Variants in FHIT observed in about 807,000 individuals in gnomAD.
The protein encoded by FHIT is fragile histidine triad diadenosine triphosphatase.
In FHIT, 19 loss-of-function variants were observed where a neutral mutation model predicts 17.9. The observed-to-expected ratio is 1.06, with a 90% CI of 0.74 to 1.56. The LOEUF is 1.56. FHIT is among the 40% of genes most tolerant of loss of function. The probability of loss-of-function intolerance (pLI) is 0.00; values close to 1 mark genes in which losing one functional copy is unlikely to be tolerated. For synonymous variants in FHIT, 81 were observed against 69.7 expected (o/e 1.16, Z -0.81); for missense variants, 248 against 189.2 (o/e 1.31, Z -1.82).
chr3:60,324,921 T>C (rs970037088), intron 5 of FHIT, among the ~76,000 whole-genome samples: 1 of 152,160 alleles, frequency 6.6e-6, no homozygotes, highest in South Asian at 2.1e-4. Context: ...TTTCTATTTT[T>C]CTTAGACTAC....
intron 4 of FHIT, among the ~76,000 whole-genome samples, chr3:60,689,130 C>A (rs1373251899): frequency 6.6e-6 from 1 of 152,190 alleles, no homozygotes; most frequent in African/African-American, 2.4e-5. Flanking sequence ...AGTTTCCCTG[C>A]ACAAGCTCTC....
intron 5 of FHIT, among the ~76,000 whole-genome samples, chr3:60,083,611 T>C (rs1027870541): frequency 2.0e-5 from 3 of 152,190 alleles, no homozygotes; most frequent in Non-Finnish European, 4.4e-5. Flanking sequence ...TATTGGGTCC[T>C]GACTAGGCCA....
intron 8 of FHIT, among the ~76,000 whole-genome samples, chr3:59,874,250 C>T (rs1703051519): frequency 6.6e-6 from 1 of 152,096 alleles, no homozygotes; most frequent in South Asian, 2.1e-4. Context: ...CTTCTCTGGC[C>T]AAAAAACAAT....
intron 5 of FHIT, among the ~76,000 whole-genome samples, chr3:60,385,863 C>A (rs1045184031): frequency 6.6e-6 from 1 of 152,114 alleles, no homozygotes; most frequent in Non-Finnish European, 1.5e-5. Context: ...CATATGTGAG[C>A]CACTGTGCCT....
intron 5 of FHIT, among the ~76,000 whole-genome samples, chr3:60,472,438 G>A (rs1164508729): frequency 3.4e-5 from 5 of 148,020 alleles, no homozygotes; most frequent in East Asian, 4.0e-4. Context: ...GCGTGATCTC[G>A]GCTCACTGCA....
chr3:61,002,146 G>C (rs752056017), intron 3 of FHIT, among the ~76,000 whole-genome samples: 6 of 152,160 alleles, frequency 3.9e-5, no homozygotes, highest in Non-Finnish European at 8.8e-5. Flanking sequence ...TGAGACATTT[G>C]AAATTTATAC....
chr3:60,867,303 G>T (rs782021108), intron 3 of FHIT, among the ~76,000 whole-genome samples: 2 of 152,280 alleles, frequency 1.3e-5, no homozygotes, highest in Non-Finnish European at 2.9e-5. Flanking sequence ...TGTTTTCAGT[G>T]TACTCATAAG....
At chr3:60,890,545 C>G (rs1439821290) in intron 3 of FHIT, among the ~76,000 whole-genome samples, 1 of 152,144 alleles carries the variant, frequency 6.6e-6, no homozygotes, top group Non-Finnish European at 1.5e-5. Context: ...AACAATAACC[C>G]AAACTGATAA....
At chr3:61,185,244 A>T (rs2038471385) in intron 2 of FHIT, among the ~76,000 whole-genome samples, 1 of 152,190 alleles carries the variant, frequency 6.6e-6, no homozygotes, top group Non-Finnish European at 1.5e-5. Flanking sequence ...AGGAGAAGCA[A>T]GCACAGACTG....
chr3:59,761,804 G>T (rs542708420), intron 8 of FHIT, among the ~76,000 whole-genome samples: 1 of 151,954 alleles, frequency 6.6e-6, no homozygotes, highest in South Asian at 2.1e-4. Context: ...CACCATGTTG[G>T]CCAGGCTGGT....
At chr3:61,017,173 C>T (rs1209609773) in intron 3 of FHIT, among the ~76,000 whole-genome samples, 1 of 152,118 alleles carries the variant, frequency 6.6e-6, no homozygotes, top group African/African-American at 2.4e-5. Context: ...GCCTGTAATC[C>T]CAGCTACTTG....
chr3:60,637,351 C>T (rs113859206), intron 4 of FHIT, among the ~76,000 whole-genome samples: 118 of 152,172 alleles, frequency 7.8e-4, no homozygotes, highest in African/African-American at 2.8e-3. Flanking sequence ...TTCATTTCTC[C>T]CCTTAAAGAT....
At chr3:61,211,427 T>A (rs1438077393) in intron 1 of FHIT, among the ~76,000 whole-genome samples, 1 of 152,180 alleles carries the variant, frequency 6.6e-6, no homozygotes, top group Non-Finnish European at 1.5e-5. Context: ...GAGATCAAAC[T>A]GCAAGGCAGC....
intron 2 of FHIT, among the ~76,000 whole-genome samples, chr3:61,148,118 G>A (rs544956356): frequency 1.3e-4 from 20 of 150,988 alleles, no homozygotes; most frequent in East Asian, 3.9e-4. Flanking sequence ...TGAGACTATC[G>A]ATGATTTATT....
intron 5 of FHIT, among the ~76,000 whole-genome samples, chr3:60,141,836 G>A (rs1700051910): frequency 6.6e-6 from 1 of 152,126 alleles, no homozygotes; most frequent in Non-Finnish European, 1.5e-5. Flanking sequence ...AAGGACAGTT[G>A]CGCTAAACAT....
At chr3:60,231,182 G>C (rs1415536719) in intron 5 of FHIT, among the ~76,000 whole-genome samples, 2 of 152,066 alleles carry the variant, frequency 1.3e-5, no homozygotes, top group African/African-American at 4.8e-5. Flanking sequence ...CTTCTTTGCA[G>C]ATATATTATT....
At chr3:60,302,477 C>T (rs1048220027) in intron 5 of FHIT, among the ~76,000 whole-genome samples, 2 of 152,124 alleles carry the variant, frequency 1.3e-5, no homozygotes, top group Non-Finnish European at 2.9e-5. Context: ...TTCTTTTCTT[C>T]CTCCACATCT....
chr3:61,109,430 AAGGTTGC>A (rs1440389997), intron 2 of FHIT, among the ~76,000 whole-genome samples: 2 of 152,246 alleles, frequency 1.3e-5, no homozygotes, highest in African/African-American at 4.8e-5. Flanking sequence ...GGGTTAAGTG[AAGGTTGC>A]CAGGTAGAGA....
chr3:60,738,472 C>T (rs2042176968), intron 4 of FHIT, among the ~76,000 whole-genome samples: 1 of 152,172 alleles, frequency 6.6e-6, no homozygotes, highest in Non-Finnish European at 1.5e-5. Context: ...TTTCCATCAG[C>T]TCCAGGTACC....
Sources: gnomAD v4.1 joint callset for allele counts (sites outside exome capture counted in the v4.1 genomes callset) on GRCh38, gnomAD v4.1.1 for gene constraint, MANE v1.5 for transcripts, NCBI Gene and HGNC (gene_info 2026-07-23, HGNC 2026-07-21) for gene names.